The following ARHGEF10 variants were observed in gnomAD, a reference collection of about 807,000 sequenced individuals.
The protein encoded by ARHGEF10 is Rho guanine nucleotide exchange factor 10.
A neutral mutation model predicts 147.4 loss-of-function variants in ARHGEF10; 140 were observed. The observed-to-expected ratio is 0.95, with a 90% CI of 0.83 to 1.09. The LOEUF (loss-of-function observed/expected upper bound fraction) is 1.09, where lower values mean the gene tolerates loss of function less well. Ranked by LOEUF, ARHGEF10 falls within the 50% of genes least tolerant of loss-of-function variation. The pLI is 0.00. For missense variants in ARHGEF10, 2,222 were observed against 1,752.7 expected, an observed-to-expected ratio of 1.27 and a Z score of -4.78; for synonymous variants, 902 against 695.8, an observed-to-expected ratio of 1.30 and a Z score of -4.67.
chr8:1,903,284 A>G lies in ARHGEF10; in HGVS notation c.1654A>G (p.Met552Val), dbSNP rs1563260783. The G allele has an allele frequency of 6.2e-7, 1 of 1,613,968 alleles. No individual in the cohort carries two copies. Among genetic ancestry groups the G allele is most frequent in the Non-Finnish European group, 8.5e-7 (1 of 1,180,030 alleles). ...FPQFILLLQD[M>V]LKNTSKGHPD... is the part of the protein sequence containing the mutation. ...ACCTCTCCCCTGTTGCTTGTAGGAC[A>G]TGCTGAAGAACACCTCCAAAGGCCA... The change falls in exon 16 of 29, where the codon ATG becomes GTG. Residue 552 changes from methionine (M) to valine (V), a missense_variant. By Grantham distance (21) the Met-to-Val change is conservative (BLOSUM62 1). Coordinates refer to ENST00000349830, the MANE Select transcript of ARHGEF10 (RefSeq NM_014629.4).
intron 9 of ARHGEF10, 124 bp downstream of exon 9, chr8:1,880,288 A>G: frequency 1.4e-6 from 1 of 713,506 alleles, no homozygotes; most frequent in East Asian, 2.7e-5. Flanking sequence ...GGCTCCTGGA[A>G]TCCCCCGACG....
At chr8:1,894,632 C>T (rs1271726814) in intron 13 of ARHGEF10, 60 bp downstream of exon 13, 1 of 1,576,158 alleles carries the variant, frequency 6.3e-7, no homozygotes, top group Admixed American at 1.7e-5. Flanking sequence ...TCCTCTCTTC[C>T]CTTCTTAGGC....
At chr8:1,888,022 G>A (rs1248210932) in intron 11 of ARHGEF10, among the ~76,000 whole-genome samples, 1 of 147,584 alleles carries the variant, frequency 6.8e-6, no homozygotes, top group Non-Finnish European at 1.5e-5. Context: ...TTTGTTAGGA[G>A]GCACTGAGTA....
At chr8:1,940,230 C>T (rs1813975070) in intron 26 of ARHGEF10, among the ~76,000 whole-genome samples, 1 of 152,138 alleles carries the variant, frequency 6.6e-6, no homozygotes, top group Admixed American at 6.5e-5. Context: ...TTTTAAAATC[C>T]TCTCTATGGA....
At position 1,842,000 on chromosome 8, in the gene ARHGEF10, G is replaced by GGGAACTGGGGCCGCGACC. The variant is rs1563162030; in HGVS notation, c.-47-1338_-47-1337insACCGGAACTGGGGCCGCG. On this transcript the variant is annotated intron_variant, in intron 1 of 28. Transcript: ENST00000349830. Reference sequence around the variant, plus strand: ...CCGCGGCGGGAACTGGGGCCGCGGCGGGAACTGGGGCCGCGGCGGGAACTG... The same window carrying GGGAACTGGGGCCGCGACC: ...CCGCGGCGGGAACTGGGGCCGCGGCGGGAACTGGGGCCGCGACCGGAACTGGGGCCGCGGCGGGAACTG... Among the ~76,000 whole-genome samples, 6 of 51,618 alleles carry GGGAACTGGGGCCGCGACC rather than the reference G, an allele frequency of 1.2e-4. No individual in the cohort carries two copies. The East Asian group carries it at 2.6e-3, about 22-fold the overall frequency. 33.9% of individuals were successfully genotyped at this position (51,618 alleles called of 152,430 possible). A position where few individuals can be genotyped will look rare whatever the true frequency, so the allele number is the denominator to read the frequency against.
rs752758435 is a variant in ARHGEF10 at position 1,903,406 on chromosome 8, A to G, written c.1776A>G (p.Glu592=). 8 of 1,614,242 alleles carry G rather than the reference A, an allele frequency of 5.0e-6. No individual in the cohort carries two copies. Among genetic ancestry groups the G allele is most frequent in the African/African-American group, 1.3e-5 (1 of 75,070 alleles). ...ERKRDADQRC[E]VKQIAKAINE... Reference sequence around the variant, plus strand: ...AGAGAGATGCTGATCAACGCTGTGAAGTGAAGCAAATAGCCAAAGCCATAA... The same window carrying G: ...AGAGAGATGCTGATCAACGCTGTGAGGTGAAGCAAATAGCCAAAGCCATAA... Residue 592 remains glutamate (E), a synonymous_variant, in exon 16 of 29, where the codon GAA becomes GAG. Transcript: ENST00000349830.
chr8:1,894,480 C>T lies in ARHGEF10; in HGVS notation c.1348C>T (p.Leu450=), dbSNP rs748243323. Residue 450 remains leucine, a synonymous_variant, in exon 13 of 29, where the codon CTG becomes TTG. Transcript: ENST00000349830. ...KTVFYRVKEI[L]QCHSLFQIAL... is the part of the protein sequence containing the mutation. ...GGTGTTCTACCGAGTCAAAGAGATCCTGCAGTGCCACTCGCTATTTCAGAT... is the reference window on the plus strand; with the variant it reads ...GGTGTTCTACCGAGTCAAAGAGATCTTGCAGTGCCACTCGCTATTTCAGAT... The T allele has an allele frequency of 3.1e-6, 5 of 1,614,214 alleles. No homozygotes were observed. Among genetic ancestry groups the T allele is most frequent in the East Asian group, 4.5e-5 (2 of 44,882 alleles).
chr8:1,860,593 G>A (rs146258949), intron 4 of ARHGEF10, among the ~76,000 whole-genome samples: 2 of 152,300 alleles, frequency 1.3e-5, no homozygotes, highest in African/African-American at 4.8e-5. Flanking sequence ...CATCTTCAGT[G>A]ACAGGAACAC....
chr8:1,868,835 A>G (rs1806837107), intron 6 of ARHGEF10, among the ~76,000 whole-genome samples: 1 of 152,180 alleles, frequency 6.6e-6, no homozygotes, highest in South Asian at 2.1e-4. Flanking sequence ...AGAGAGCCAT[A>G]TAGAAGTGTG....
chr8:1,894,357 G>A (rs757658987), intron 12 of ARHGEF10, 36 bp from the exon 13 acceptor site: 44 of 1,613,012 alleles, frequency 2.7e-5, no homozygotes, highest in Non-Finnish European at 3.6e-5. Context: ...CTCTGAAAAA[G>A]AAAAGTCTGA....
At chr8:1,869,317 G>C (rs1451334423) in intron 7 of ARHGEF10, 67 bp downstream of exon 7, 8 of 1,399,978 alleles carry the variant, frequency 5.7e-6, no homozygotes, top group Non-Finnish European at 8.1e-6. Flanking sequence ...GGATGCCAAA[G>C]TGACTATTTA....
chr8:1,883,265 C>T (rs1466110900), intron 10 of ARHGEF10, among the ~76,000 whole-genome samples: 1 of 152,064 alleles, frequency 6.6e-6, no homozygotes, highest in African/African-American at 2.4e-5. Context: ...AGGTGTCGTG[C>T]ACGGCGGCAA....
At chr8:1,915,995 C>T (rs1047638081) in intron 18 of ARHGEF10, among the ~76,000 whole-genome samples, 2 of 152,238 alleles carry the variant, frequency 1.3e-5, no homozygotes, top group African/African-American at 4.8e-5. Context: ...CAGCCAGCGT[C>T]TCAGGAAAGC....
At chr8:1,878,511 A>G (rs1807901721) in intron 8 of ARHGEF10, among the ~76,000 whole-genome samples, 1 of 152,180 alleles carries the variant, frequency 6.6e-6, no homozygotes, top group African/African-American at 2.4e-5. Context: ...AACAGCTGAT[A>G]ACTGAGGTGA....
At chr8:1,834,204 A>G (rs1479769543) in intron 1 of ARHGEF10, among the ~76,000 whole-genome samples, 1 of 152,222 alleles carries the variant, frequency 6.6e-6, no homozygotes, top group Non-Finnish European at 1.5e-5. Context: ...AGAGAGGGTC[A>G]CACCTGCTTG....
At chr8:1,875,847 T>C (rs995938171) in intron 7 of ARHGEF10, among the ~76,000 whole-genome samples, 1 of 152,240 alleles carries the variant, frequency 6.6e-6, no homozygotes, top group African/African-American at 2.4e-5. Context: ...GGCCAAGTTT[T>C]GTTACAGTGA....
At chr8:1,936,678 C>T (rs117768851) in intron 26 of ARHGEF10, among the ~76,000 whole-genome samples, 1,784 of 152,350 alleles carry the variant, frequency 0.012, 15 homozygotes, top group Non-Finnish European at 0.016. Context: ...AAATACTTCT[C>T]TAGACCATCG....
intron 25 of ARHGEF10, among the ~76,000 whole-genome samples, chr8:1,931,799 A>C (rs1375511517): frequency 1.3e-4 from 3 of 23,964 alleles, no homozygotes; most frequent in Admixed American, 1.1e-3. Flanking sequence ...TCCGGCTGCG[A>C]TTTGGGATCC....
intron 27 of ARHGEF10, 130 bp from the exon 28 acceptor site, chr8:1,952,575 G>A (rs1459208035): frequency 1.6e-6 from 2 of 1,282,658 alleles, no homozygotes; most frequent in African/African-American, 2.9e-5. Flanking sequence ...GGGAACTCCT[G>A]TGCCACATCC....
Sources: gnomAD v4.1 joint callset for allele counts (sites outside exome capture counted in the v4.1 genomes callset) on GRCh38, gnomAD v4.1.1 for gene constraint, MANE v1.5 for transcripts, NCBI Gene and HGNC (gene_info 2026-07-23, HGNC 2026-07-21) for gene names.